TOPAZ1: variants seen among roughly 807,000 people sequenced by gnomAD.
TOPAZ1 encodes protein TOPAZ1.
A neutral mutation model predicts 172.2 loss-of-function variants in TOPAZ1; 66 were observed. That is an observed-to-expected ratio of 0.38 (90% CI 0.31 to 0.47). The LOEUF is 0.47. Ranked by LOEUF, TOPAZ1 falls within the 20% of genes least tolerant of loss-of-function variation. TOPAZ1 has a pLI of 0.99. For missense variants in TOPAZ1, 1,822 were observed against 1,972.4 expected (o/e 0.92, Z 1.44); for synonymous variants, 681 against 683.9 (o/e 1.00, Z 0.07).
Position 44,256,166 on chromosome 3 carries a change from G to C in TOPAZ1, c.2843G>C (p.Arg948Pro), listed in dbSNP as rs369154260. 3.3e-6 allele frequency: 5 copies of C among 1,505,180 alleles called. No individual in the cohort carries two copies. Among genetic ancestry groups the C allele is most frequent in the Admixed American group, 2.7e-5 (1 of 37,334 alleles). 93.2% of individuals were successfully genotyped at this position (1,505,180 alleles called of 1,614,324 possible). A position where few individuals can be genotyped will look rare whatever the true frequency, so the allele number is the denominator to read the frequency against. ...TTCTTTTCAGAAAGTGAAATAAAACGTGATCCCAAAGATGTAAACACTTCC... is the reference window on the plus strand; with the variant it reads ...TTCTTTTCAGAAAGTGAAATAAAACCTGATCCCAAAGATGTAAACACTTCC... ...ASNSAESEIK[R>P]DPKDVNTSLG... is the part of the protein sequence containing the mutation. The change falls in exon 4 of 20, where the codon CGT becomes CCT. Residue 948 changes from arginine (R) to proline (P), a missense_variant. Around this residue, in one of 2 missense-constraint regions of TOPAZ1, gnomAD observed 1,489 missense variants for 1,490.8 expected, o/e 1.00. Transcript: ENST00000309765.
chr3:44,276,653 T>TTC (rs1699963281), intron 8 of TOPAZ1, among the ~76,000 whole-genome samples: 1 of 56,554 alleles, frequency 1.8e-5, no homozygotes, highest in Non-Finnish European at 3.9e-5. Flanking sequence ...TTTTTTTTTT[T>TTC]CCAGAATTGC....
At chr3:44,299,882 C>T (rs1204961237) in intron 12 of TOPAZ1, among the ~76,000 whole-genome samples, 2 of 129,818 alleles carry the variant, frequency 1.5e-5, no homozygotes, top group Admixed American at 9.9e-5. Context: ...TATTCTCACT[C>T]ATAGGTGGGA....
At chr3:44,312,297 A>T (rs568142464) in intron 16 of TOPAZ1, among the ~76,000 whole-genome samples, 1 of 152,162 alleles carries the variant, frequency 6.6e-6, no homozygotes, top group African/African-American at 2.4e-5. Context: ...GAATAATAAT[A>T]CAATGGACAA....
chr3:44,255,506 G>T (rs1699687725), intron 3 of TOPAZ1, among the ~76,000 whole-genome samples: 1 of 151,840 alleles, frequency 6.6e-6, no homozygotes, highest in African/African-American at 2.4e-5. Flanking sequence ...CAAAAAATTA[G>T]CCGGGCGTGG....
At position 44,287,808 on chromosome 3, in the gene TOPAZ1, C is replaced by G; in HGVS notation, c.3650C>G (p.Ala1217Gly). The G allele has an allele frequency of 6.7e-7, 1 of 1,488,108 alleles. No homozygotes were observed. Among genetic ancestry groups the G allele is most frequent in the Non-Finnish European group, 9.1e-7 (1 of 1,100,632 alleles). The allele number at this position is 1,488,108 out of a possible 1,614,324, so 92.2% of individuals were successfully genotyped here. A position where few individuals can be genotyped will look rare whatever the true frequency, so the allele number is the denominator to read the frequency against. Residue 1217 changes from alanine to glycine, a missense_variant, in exon 11 of 20, where the codon GCT becomes GGT. Coordinates refer to ENST00000309765, the MANE Select transcript of TOPAZ1 (RefSeq NM_001145030.2). ...GTGGCAACTATGAAATTAAGGAATGCTGTACCTGCTTTAATTGATATCTTT... is the reference window on the plus strand; with the variant it reads ...GTGGCAACTATGAAATTAAGGAATGGTGTACCTGCTTTAATTGATATCTTT... ...EYVATMKLRN[A>G]VPALIDIFCK...
intron 2 of TOPAZ1, among the ~76,000 whole-genome samples, chr3:44,250,226 A>G (rs1405302450): frequency 8.0e-6 from 1 of 125,040 alleles, no homozygotes; most frequent in Non-Finnish European, 1.6e-5. Flanking sequence ...CTTATTACCA[A>G]TTTTACCATG....
intron 4 of TOPAZ1, among the ~76,000 whole-genome samples, chr3:44,261,040 TAGTA>T (rs1014183356): frequency 1.1e-4 from 17 of 152,218 alleles, no homozygotes; most frequent in African/African-American, 2.6e-4. Context: ...TTTTGAAAAA[TAGTA>T]AGTAAAATAT....
Position 44,292,274 on chromosome 3 carries a change from G to A in TOPAZ1, c.3797+1388G>A, listed in dbSNP as rs145716026. 2.6e-3 allele frequency among the ~76,000 whole-genome samples: 397 copies of A among 152,166 alleles called. 4 individuals carry two copies. The highest frequency in any genetic ancestry group is 0.01 in the Admixed American group (158 of 15,284). On this transcript the variant is annotated intron_variant, in intron 12 of 19. Coordinates refer to ENST00000309765, the MANE Select transcript of TOPAZ1 (RefSeq NM_001145030.2). ...CACTGTTTAGGCTAAATAGATTTTG[G>A]GGACTACCTAGGAAACAAATTTTTG... is the stretch of plus-strand genomic sequence containing the variant.
intron 12 of TOPAZ1, among the ~76,000 whole-genome samples, chr3:44,295,928 T>C (rs1267121499): frequency 6.6e-6 from 1 of 152,194 alleles, no homozygotes; most frequent in African/African-American, 2.4e-5. Context: ...ACATATTCTT[T>C]TCAAGCATCT....
chr3:44,289,046 C>T (rs1700107990), intron 11 of TOPAZ1, among the ~76,000 whole-genome samples: 1 of 152,170 alleles, frequency 6.6e-6, no homozygotes, highest in Admixed American at 6.5e-5. Flanking sequence ...AGATAATTAA[C>T]ATTTTTGTCC....
chr3:44,329,982 A>G (rs919497808), intron 19 of TOPAZ1, among the ~76,000 whole-genome samples: 1 of 152,152 alleles, frequency 6.6e-6, no homozygotes, highest in Admixed American at 6.5e-5. Flanking sequence ...ACTCTTGCAA[A>G]ACTTCACAAA....
intron 8 of TOPAZ1, among the ~76,000 whole-genome samples, chr3:44,271,881 C>T (rs1009443366): frequency 1.3e-4 from 20 of 152,084 alleles, no homozygotes; most frequent in African/African-American, 4.8e-4. Flanking sequence ...AGGTTTTGTA[C>T]TATTTGACCA....
Position 44,242,923 on chromosome 3 carries a change from G to A in TOPAZ1, c.417G>A (p.Lys139=), listed in dbSNP as rs914318772. ...DPQPGLDLVR[K]ESLTSSESFQ... ...AGCCAGGGCTTGACTTGGTAAGAAA[G>A]GAATCATTAACCAGTTCGGAATCTT... The change falls in exon 2 of 20, where the codon AAG becomes AAA. Residue 139 remains lysine (K), a synonymous_variant. Coordinates refer to ENST00000309765, the MANE Select transcript of TOPAZ1 (RefSeq NM_001145030.2). 4.5e-6 allele frequency: 7 copies of A among 1,546,438 alleles called. No homozygotes were observed. In the African/African-American group the frequency reaches 6.9e-5, roughly 15 times the overall value.
chr3:44,268,135 G>T (rs1478877022), intron 6 of TOPAZ1, among the ~76,000 whole-genome samples: 1 of 152,046 alleles, frequency 6.6e-6, no homozygotes, highest in Non-Finnish European at 1.5e-5. Flanking sequence ...TATGATGCCT[G>T]GTGTATTAGT....
rs1194628944 is a variant in TOPAZ1 at position 44,242,310 on chromosome 3, G to C, written c.257G>C (p.Arg86Thr). ...KAARRQVEGR[R>T]GPVSPSDSSD... ...GCAAGGCGTCAGGTGGAGGGGCGCA[G>C]GGGCCCGGTGAGCCCGTCAGACTCG... The change falls in exon 1 of 20, where the codon AGG becomes ACG. Residue 86 changes from arginine (R) to threonine (T), a missense_variant. Arg to Thr is a moderately conservative substitution (Grantham distance 71). Transcript: ENST00000309765. 1.9e-6 allele frequency: 3 copies of C among 1,551,864 alleles called. No individual in the cohort carries two copies. In the East Asian group the frequency reaches 7.3e-5, roughly 38 times the overall value.
intron 5 of TOPAZ1, among the ~76,000 whole-genome samples, chr3:44,262,757 T>C (rs1282705256): frequency 6.6e-6 from 1 of 152,234 alleles, no homozygotes; most frequent in Non-Finnish European, 1.5e-5. Context: ...ATGTTTGACT[T>C]TTATGAAGAT....
At chr3:44,242,623 A>G (rs1699499124) in intron 1 of TOPAZ1, among the ~76,000 whole-genome samples, 5 of 152,226 alleles carry the variant, frequency 3.3e-5, no homozygotes, top group South Asian at 2.1e-4. Context: ...CATTTTGGCT[A>G]GTATGAGATG....
chr3:44,258,002 T>C (rs1452414210), intron 4 of TOPAZ1, among the ~76,000 whole-genome samples: 1 of 152,226 alleles, frequency 6.6e-6, no homozygotes, highest in African/African-American at 2.4e-5. Flanking sequence ...AAAACAGCTT[T>C]AGTTTTACTG....
At position 44,262,497 on chromosome 3, in the gene TOPAZ1, T is replaced by C; in HGVS notation, c.3020+14T>C. ...AGTTTGCAAAAGGTCTGTAACATAATTCTTAATTACATAACTTAAAATAGT... is the reference window on the plus strand; with the variant it reads ...AGTTTGCAAAAGGTCTGTAACATAACTCTTAATTACATAACTTAAAATAGT... On this transcript the variant is annotated intron_variant, in intron 5 of 19. Transcript: ENST00000309765. 1 of 1,287,654 alleles carries C rather than the reference T, an allele frequency of 7.8e-7. No individual in the cohort carries two copies. Among genetic ancestry groups the C allele is most frequent in the South Asian group, 1.4e-5 (1 of 73,980 alleles). 79.8% of individuals were successfully genotyped at this position (1,287,654 alleles called of 1,614,324 possible).
Sources: gnomAD v4.1 joint callset for allele counts (sites outside exome capture counted in the v4.1 genomes callset) on GRCh38, gnomAD v4.1.1 for gene constraint, gnomAD v4.1.1 regional missense constraint, MANE v1.5 for transcripts, NCBI Gene and HGNC (gene_info 2026-07-23, HGNC 2026-07-21) for gene names.